The following LINGO2 variants were observed in gnomAD, a reference collection of about 807,000 sequenced individuals.
The protein encoded by LINGO2 is leucine rich repeat and Ig domain containing 2, also known as leucine-rich repeat and immunoglobulin-like domain-containing nogo receptor-interacting protein 2.
LINGO2 carries 14 observed loss-of-function variants against 30.6 expected under a neutral mutation model. The ratio of observed to expected loss-of-function variants is 0.46; its 90% confidence interval spans 0.30 to 0.72. The LOEUF is 0.72. Among genes scored for constraint, LINGO2 ranks in the 30% least tolerant of loss-of-function variants. The pLI is 0.07. For synonymous variants in LINGO2, 317 were observed against 288.5 expected (o/e 1.10, Z -1.00); for missense variants, 729 against 751.7 (o/e 0.97, Z 0.35).
chr9:28,378,254 G>A (rs918787792), intron 2 of LINGO2, among the ~76,000 whole-genome samples: 2 of 152,174 alleles, frequency 1.3e-5, no homozygotes, highest in African/African-American at 4.8e-5. Flanking sequence ...ACATATCCAG[G>A]AAGAGCTACT....
the LINGO2 span, among the ~76,000 whole-genome samples, chr9:29,097,114 AT>A: frequency 1.4e-5 from 2 of 138,818 alleles, no homozygotes; most frequent in Admixed American, 1.5e-4. Context: ...TAAAATATGT[AT>A]TTAATAAGAA....
At chr9:28,609,662 T>G (rs553262305) in intron 1 of LINGO2, among the ~76,000 whole-genome samples, 6 of 152,216 alleles carry the variant, frequency 3.9e-5, no homozygotes, top group African/African-American at 1.4e-4. Flanking sequence ...TCTCATACAT[T>G]GATTACAGGA....
At chr9:28,661,080 C>T (rs950727934) in intron 1 of LINGO2, among the ~76,000 whole-genome samples, 3 of 152,062 alleles carry the variant, frequency 2.0e-5, no homozygotes, top group African/African-American at 7.2e-5. Context: ...GAGGTGGAGT[C>T]TATTTGTCTA....
chr9:28,299,057 T>C (rs1027814882), intron 3 of LINGO2, among the ~76,000 whole-genome samples: 1 of 152,162 alleles, frequency 6.6e-6, no homozygotes, highest in African/African-American at 2.4e-5. Context: ...CCTTAGCACT[T>C]AGGCACTCAT....
the LINGO2 span, among the ~76,000 whole-genome samples, chr9:29,212,834 T>C: frequency 6.6e-6 from 1 of 152,178 alleles, no homozygotes; most frequent in African/African-American, 2.4e-5. Context: ...GAGATCCTCC[T>C]AACTTGACTT....
intron 4 of LINGO2, among the ~76,000 whole-genome samples, chr9:28,032,562 C>T (rs1823733365): frequency 6.6e-6 from 1 of 152,194 alleles, no homozygotes; most frequent in African/African-American, 2.4e-5. Flanking sequence ...TCATTCAGTA[C>T]TGAAAGCAGC....
intron 4 of LINGO2, among the ~76,000 whole-genome samples, chr9:28,058,370 T>C (rs982276820): frequency 9.2e-5 from 14 of 152,162 alleles, no homozygotes; most frequent in Non-Finnish European, 2.1e-4. Flanking sequence ...TTGTCACTCA[T>C]ATATGGTCAC....
intron 2 of LINGO2, among the ~76,000 whole-genome samples, chr9:28,433,414 C>T (rs1370309079): frequency 6.6e-6 from 1 of 152,042 alleles, no homozygotes; most frequent in African/African-American, 2.4e-5. Flanking sequence ...GCCAGAAAAG[C>T]AGATAAGTAA....
chr9:29,142,704 A>T, the LINGO2 span, among the ~76,000 whole-genome samples: 1 of 151,996 alleles, frequency 6.6e-6, no homozygotes, highest in African/African-American at 2.4e-5. Flanking sequence ...AATAGTAAGC[A>T]ACTGGAAACA....
chr9:28,573,936 A>C (rs1823829014), intron 1 of LINGO2, among the ~76,000 whole-genome samples: 1 of 152,196 alleles, frequency 6.6e-6, no homozygotes, highest in Non-Finnish European at 1.5e-5. Flanking sequence ...AAAAAGATTA[A>C]ATTTAGATGA....
chr9:29,135,600 C>T, the LINGO2 span, among the ~76,000 whole-genome samples: 1 of 151,656 alleles, frequency 6.6e-6, no homozygotes, highest in African/African-American at 2.4e-5. Flanking sequence ...CAAACAGATT[C>T]CAATGGAAGT....
At chr9:29,001,501 T>A in the LINGO2 span, among the ~76,000 whole-genome samples, 559 of 152,124 alleles carry the variant, frequency 3.7e-3, 2 homozygotes, top group African/African-American at 0.013. Context: ...GAGGCTGACC[T>A]CAATATGAGA....
chr9:28,646,526 C>T (rs1276725536), intron 1 of LINGO2, among the ~76,000 whole-genome samples: 1 of 152,022 alleles, frequency 6.6e-6, no homozygotes, highest in African/African-American at 2.4e-5. Flanking sequence ...TAAGAACAGT[C>T]TCCAACTAAT....
At chr9:28,672,486 C>CA (rs1829061197), upstream of LINGO2, among the ~76,000 whole-genome samples, 1 of 152,162 alleles carries the variant, frequency 6.6e-6, no homozygotes, top group East Asian at 1.9e-4. Context: ...AAGATATGTA[C>CA]ACTGTCACAC....
At chr9:28,766,550 T>C in the LINGO2 span, among the ~76,000 whole-genome samples, 1 of 151,880 alleles carries the variant, frequency 6.6e-6, no homozygotes, top group Admixed American at 6.6e-5. Context: ...AGAACTACTA[T>C]ATGAACCACA....
At chr9:28,368,035 T>A (rs1564154206) in intron 3 of LINGO2, among the ~76,000 whole-genome samples, 1 of 152,164 alleles carries the variant, frequency 6.6e-6, no homozygotes, top group African/African-American at 2.4e-5. Context: ...TCTCTCTATG[T>A]ACATCTACCT....
intron 4 of LINGO2, among the ~76,000 whole-genome samples, chr9:28,027,891 G>A (rs541929760): frequency 3.3e-5 from 5 of 152,192 alleles, no homozygotes; most frequent in African/African-American, 9.6e-5. Context: ...TGTCTAAGAC[G>A]AAATCTCATG....
the LINGO2 span, among the ~76,000 whole-genome samples, chr9:29,100,303 T>C: frequency 1.1e-4 from 16 of 152,070 alleles, no homozygotes; most frequent in African/African-American, 3.9e-4. Context: ...GGATGGTTAA[T>C]AGCTACAAAA....
intron 4 of LINGO2, among the ~76,000 whole-genome samples, chr9:28,217,134 A>C (rs1820795459): frequency 6.7e-6 from 1 of 150,276 alleles, no homozygotes. Flanking sequence ...TACATATAAT[A>C]TAAATAATAC....
Sources: gnomAD v4.1 joint callset for allele counts (sites outside exome capture counted in the v4.1 genomes callset) on GRCh38, gnomAD v4.1.1 for gene constraint, MANE v1.5 for transcripts, NCBI Gene and HGNC (gene_info 2026-07-23, HGNC 2026-07-21) for gene names.